DIP2C: variants seen among roughly 807,000 people sequenced by gnomAD.
DIP2C encodes the protein DIP2 acetate--CoA ligase C (putative).
Under a neutral mutation model 192.4 loss-of-function variants are expected in DIP2C, and 33 were observed. That is an observed-to-expected ratio of 0.17 (90% CI 0.13 to 0.23). The LOEUF is 0.23. Among genes scored for constraint, DIP2C ranks in the 10% least tolerant of loss-of-function variants. The pLI, the probability that DIP2C is intolerant of heterozygous loss-of-function variation, is 1.00. For missense variants in DIP2C, 1,537 were observed against 2,110.1 expected (o/e 0.73, Z 5.32); for synonymous variants, 979 against 864.1 (o/e 1.13, Z -2.33).
intron 9 of DIP2C, among the ~76,000 whole-genome samples, chr10:406,128 A>G (rs991952985): frequency 3.3e-5 from 5 of 152,246 alleles, no homozygotes; most frequent in Non-Finnish European, 5.9e-5. Context: ...GGAAACTTCA[A>G]GTATCTGGAG....
chr10:602,541 C>T (rs558523060), intron 1 of DIP2C, among the ~76,000 whole-genome samples: 12 of 152,318 alleles, frequency 7.9e-5, no homozygotes, highest in South Asian at 2.1e-4. Context: ...CCTGCTCCTC[C>T]GCCACGTGAG....
chr10:566,151 A>T (rs1354445848), intron 1 of DIP2C, among the ~76,000 whole-genome samples: 1 of 152,262 alleles, frequency 6.6e-6, no homozygotes. Context: ...TTAGTAGTTT[A>T]CATTTTAGAG....
At chr10:538,161 C>T (rs189433796) in intron 1 of DIP2C, among the ~76,000 whole-genome samples, 89 of 152,142 alleles carry the variant, frequency 5.8e-4, no homozygotes, top group Non-Finnish European at 1.1e-3. Flanking sequence ...AAATGCTTCC[C>T]GAGGAGTTTT....
chr10:478,403 G>A (rs546463068), intron 2 of DIP2C, among the ~76,000 whole-genome samples: 3 of 134,368 alleles, frequency 2.2e-5, no homozygotes, highest in Non-Finnish European at 4.9e-5. Context: ...AGGGGCAGAC[G>A]GGGAGGGCAT....
chr10:391,831 T>C (rs910846491), intron 10 of DIP2C, among the ~76,000 whole-genome samples: 1 of 152,200 alleles, frequency 6.6e-6, no homozygotes, highest in Non-Finnish European at 1.5e-5. Context: ...ACCTGTTCCC[T>C]GATAACAGGA....
intron 1 of DIP2C, among the ~76,000 whole-genome samples, chr10:513,877 A>G (rs1455511247): frequency 6.6e-6 from 1 of 152,262 alleles, no homozygotes; most frequent in African/African-American, 2.4e-5. Flanking sequence ...GACAGTGAGG[A>G]AAGGACTTCA....
intron 1 of DIP2C, among the ~76,000 whole-genome samples, chr10:498,864 G>C (rs1845036549): frequency 6.6e-6 from 1 of 152,146 alleles, no homozygotes; most frequent in African/African-American, 2.4e-5. Context: ...AGTCCTGCCA[G>C]CTAATTATAG....
At chr10:569,780 G>A (rs956721708) in intron 1 of DIP2C, among the ~76,000 whole-genome samples, 1 of 152,130 alleles carries the variant, frequency 6.6e-6, no homozygotes, top group Non-Finnish European at 1.5e-5. Flanking sequence ...GGCAGGGGTA[G>A]GGAGGAGAGA....
chr10:277,708 A>C, intron 36 of DIP2C, 131 bp from the exon 37 acceptor site: 1 of 1,257,360 alleles, frequency 8.0e-7, no homozygotes, highest in Non-Finnish European at 1.1e-6. Flanking sequence ...CGGCCTCTCC[A>C]CGTCCTCCGT....
chr10:579,647 C>A (rs1378675248), intron 1 of DIP2C, among the ~76,000 whole-genome samples: 2 of 152,020 alleles, frequency 1.3e-5, no homozygotes, highest in Admixed American at 1.3e-4. Context: ...ATGCATAGAG[C>A]AAACATCCAG....
intron 4 of DIP2C, among the ~76,000 whole-genome samples, chr10:427,498 C>G (rs894494386): frequency 1.3e-5 from 2 of 152,154 alleles, no homozygotes; most frequent in Admixed American, 1.3e-4. Flanking sequence ...CACTGAGAAA[C>G]CTTACACCTG....
At chr10:629,604 G>A (rs549410832) in intron 1 of DIP2C, among the ~76,000 whole-genome samples, 1 of 152,202 alleles carries the variant, frequency 6.6e-6, no homozygotes, top group Non-Finnish European at 1.5e-5. Context: ...ACCCGTACTG[G>A]GGGAAGGAAG....
rs185496225 is a variant in DIP2C, at chr10:596,923, A to G, written c.85+92571T>C. ...AATGCGCATAGTGACGCGAACATGC[A>G]GACATGAGGGCCACACGTGGCATTG... On this transcript the variant is annotated intron_variant, in intron 1 of 36. Transcript: ENST00000280886. 2.3e-3 allele frequency among the ~76,000 whole-genome samples: 358 copies of G among 152,354 alleles called. 3 individuals carry two copies. Among genetic ancestry groups the G allele is most frequent in the African/African-American group, 7.7e-3 (321 of 41,592 alleles).
At chr10:484,800 A>C in intron 2 of DIP2C, 1 of 1,611,214 alleles carries the variant, frequency 6.2e-7, no homozygotes, top group Non-Finnish European at 8.5e-7. Context: ...AGTAAAACAG[A>C]GGCCGGTTCC....
At chr10:282,734 G>C (rs1364498370) in intron 35 of DIP2C, among the ~76,000 whole-genome samples, 1 of 152,238 alleles carries the variant, frequency 6.6e-6, no homozygotes, top group African/African-American at 2.4e-5. Flanking sequence ...TCCACACCAG[G>C]CACCAGCATC....
chr10:384,419 G>A (rs1264682175), intron 15 of DIP2C, 127 bp downstream of exon 15: 3 of 986,850 alleles, frequency 3.0e-6, no homozygotes, highest in East Asian at 4.9e-5. Flanking sequence ...TGTATTATTA[G>A]TAGAAACGGG....
chr10:599,789 TGAG>T (rs1851938521), intron 1 of DIP2C, among the ~76,000 whole-genome samples: 1 of 152,196 alleles, frequency 6.6e-6, no homozygotes. Flanking sequence ...ATCCTGCTTT[TGAG>T]GAGAGGGGAC....
rs113313168 is a variant in DIP2C, at chr10:309,850, CAG to C, written c.3986+179_3986+180del. ...ACAGGCGTGAGCCACCATGCCTGGCCAGAGTTTTCAATTGCAAAGTTCAAGCC... is the reference window on the plus strand; with the variant it reads ...ACAGGCGTGAGCCACCATGCCTGGCCAGTTTTCAATTGCAAAGTTCAAGCC... On this transcript the variant is annotated intron_variant, in intron 32 of 36. Transcript: ENST00000280886. 5.8e-4 allele frequency among the ~76,000 whole-genome samples: 88 copies of C among 152,250 alleles called. 1 individual carries two copies. The highest frequency in any genetic ancestry group is 1.8e-3 in the African/African-American group (75 of 41,512).
At chr10:567,398 G>C (rs1367326424) in intron 1 of DIP2C, among the ~76,000 whole-genome samples, 1 of 152,020 alleles carries the variant, frequency 6.6e-6, no homozygotes, top group African/African-American at 2.4e-5. Flanking sequence ...TACCATGTTG[G>C]TCAGGCTGGT....
Sources: allele counts gnomAD v4.1 joint callset (sites outside exome capture counted in the v4.1 genomes callset), GRCh38; gene constraint gnomAD v4.1.1; transcripts MANE v1.5; gene names NCBI Gene and HGNC (gene_info 2026-07-23, HGNC 2026-07-21).